Variants in CNTN4 observed in about 807,000 individuals in gnomAD.
CNTN4 encodes the protein contactin 4, also known as contactin-4.
CNTN4 carries 77 observed loss-of-function variants against 122.5 expected under a neutral mutation model. The observed-to-expected ratio is 0.63, with a 90% CI of 0.52 to 0.76. The LOEUF is 0.76. CNTN4 is among the 30% of genes least tolerant of loss of function. The pLI is 0.00. For synonymous variants in CNTN4, 512 were observed against 447.0 expected (o/e 1.15, Z -1.83); for missense variants, 1,256 against 1,259.1 (o/e 1.00, Z 0.04).
At chr3:2,388,983 C>A (rs976018451) in intron 3 of CNTN4, among the ~76,000 whole-genome samples, 7 of 151,750 alleles carry the variant, frequency 4.6e-5, no homozygotes, top group Non-Finnish European at 7.4e-5. Context: ...CATGGTGAAA[C>A]CCTGTCTCTG....
rs181510251 is a variant in CNTN4, at chr3:2,286,176, T to C, written c.-144-53002T>C. 2.0e-5 allele frequency among the ~76,000 whole-genome samples: 3 copies of C among 150,122 alleles called. No individual in the cohort carries two copies. The East Asian group carries it at 5.9e-4, about 29-fold the overall frequency. On this transcript the variant is annotated intron_variant, in intron 2 of 24. Coordinates refer to ENST00000418658, the MANE Select transcript of CNTN4 (RefSeq NM_175607.3). ...TACTGGTAGGTTGAACTTTTAAACA[T>C]TTAACTATACTGTATTTCTCGGATC...
intron 2 of CNTN4, among the ~76,000 whole-genome samples, chr3:2,210,675 T>C (rs2038575638): frequency 6.6e-6 from 1 of 152,126 alleles, no homozygotes. Flanking sequence ...GCAGCAAGAG[T>C]GAGAGTCTCA....
At chr3:2,941,392 C>CAATG (rs2094613647) in intron 13 of CNTN4, among the ~76,000 whole-genome samples, 1 of 152,082 alleles carries the variant, frequency 6.6e-6, no homozygotes, top group South Asian at 2.1e-4. Flanking sequence ...CTCCCCTGAG[C>CAATG]AATGTATGGT....
At chr3:2,817,949 A>C (rs80312614) in intron 6 of CNTN4, among the ~76,000 whole-genome samples, 3 of 152,304 alleles carry the variant, frequency 2.0e-5, no homozygotes, top group African/African-American at 2.4e-5. Context: ...CCTGGTGTCC[A>C]TTGAATAAAA....
chr3:2,869,866 T>A (rs1236579698), intron 8 of CNTN4, among the ~76,000 whole-genome samples: 2 of 152,228 alleles, frequency 1.3e-5, no homozygotes, highest in African/African-American at 4.8e-5. Context: ...ACTAGCTCTG[T>A]CAAAAGCTAT....
At chr3:3,042,516 C>T in intron 21 of CNTN4, 94 bp downstream of exon 21, 1 of 821,636 alleles carries the variant, frequency 1.2e-6, no homozygotes, top group Admixed American at 1.9e-5. Flanking sequence ...GACCCACATT[C>T]CCACTAAGAG....
chr3:2,181,636 C>T (rs1249093073), intron 2 of CNTN4, among the ~76,000 whole-genome samples: 1 of 152,016 alleles, frequency 6.6e-6, no homozygotes, highest in Non-Finnish European at 1.5e-5. Flanking sequence ...GGCTGTTTGG[C>T]TTATTAATTA....
chr3:2,439,322 T>C lies in CNTN4; in HGVS notation c.-89+100089T>C, dbSNP rs2048355440. Among the ~76,000 whole-genome samples, 7 of 152,324 alleles carry C rather than the reference T, an allele frequency of 4.6e-5. 1 individual carries two copies. In the South Asian group the frequency reaches 1.2e-3, roughly 27 times the overall value. On this transcript the variant is annotated intron_variant, in intron 3 of 24. Coordinates refer to ENST00000418658, the MANE Select transcript of CNTN4 (RefSeq NM_175607.3). ...GGCCAGGATATCTGTTTTAAGACTT[T>C]CCAATTTATTATTTTGATGCATACT... is the stretch of plus-strand genomic sequence containing the variant.
Position 2,755,431 on chromosome 3 carries a change from A to T in CNTN4, c.358+9734A>T, listed in dbSNP as rs114663347. ...TTTCAATGGAAGGCTTTGATCTTCA[A>T]TAAAAGGGTAAATACTTTTATTGGA... On this transcript the variant is annotated intron_variant, in intron 6 of 24. Transcript: ENST00000418658. 2.2e-3 allele frequency among the ~76,000 whole-genome samples: 334 copies of T among 152,348 alleles called. 1 individual carries two copies. Among genetic ancestry groups the T allele is most frequent in the Non-Finnish European group, 4.2e-3 (285 of 68,026 alleles).
intron 13 of CNTN4, among the ~76,000 whole-genome samples, chr3:2,957,849 C>T (rs2094815991): frequency 6.6e-6 from 1 of 152,104 alleles, no homozygotes; most frequent in Admixed American, 6.5e-5. Flanking sequence ...TCAGTGGGCA[C>T]TCAGGTTGAT....
chr3:2,284,895 C>CAT (rs749297131), intron 2 of CNTN4, among the ~76,000 whole-genome samples: 1 of 151,634 alleles, frequency 6.6e-6, no homozygotes, highest in East Asian at 1.9e-4. Flanking sequence ...TGATCCAAAA[C>CAT]ATATACCACA....
rs1388918338 is a variant in CNTN4 at position 2,777,367 on chromosome 3, C to T, written c.358+31670C>T. Among the ~76,000 whole-genome samples the T allele has an allele frequency of 6.6e-5, 10 of 152,336 alleles. No individual in the cohort carries two copies. The East Asian group carries it at 7.7e-4, about 12-fold the overall frequency. ...AATGAGAGTTACTCTTACCCATCTA[C>T]GGCTCTCCAACTAATACTTCTAAGA... On this transcript the variant is annotated intron_variant, in intron 6 of 24. Coordinates refer to ENST00000418658, the MANE Select transcript of CNTN4 (RefSeq NM_175607.3).
At chr3:2,960,401 T>C (rs1397201865) in intron 13 of CNTN4, among the ~76,000 whole-genome samples, 1 of 152,200 alleles carries the variant, frequency 6.6e-6, no homozygotes, top group Non-Finnish European at 1.5e-5. Flanking sequence ...TTTTTGTTTT[T>C]TGTTTTTTGT....
At chr3:2,550,512 C>G (rs892774909) in intron 3 of CNTN4, among the ~76,000 whole-genome samples, 1 of 152,078 alleles carries the variant, frequency 6.6e-6, no homozygotes, top group Non-Finnish European at 1.5e-5. Context: ...GGAGTGCAAA[C>G]TAGTTCAACC....
At chr3:2,278,433 C>G (rs1024368472) in intron 2 of CNTN4, among the ~76,000 whole-genome samples, 3 of 152,158 alleles carry the variant, frequency 2.0e-5, no homozygotes, top group Non-Finnish European at 4.4e-5. Context: ...GTGCTACTTA[C>G]TAGGATCTTA....
In CNTN4 at chr3:2,988,441, T is replaced by G. The variant is rs779844830; in HGVS notation, c.1455T>G (p.Thr485=). 10 of 1,613,848 alleles carry G rather than the reference T, an allele frequency of 6.2e-6. No individual in the cohort carries two copies. The highest frequency in any genetic ancestry group is 8.5e-6 in the Non-Finnish European group (10 of 1,179,802). Residue 485 remains threonine, a synonymous_variant, in exon 14 of 25, where the codon ACT becomes ACG. Transcript: ENST00000418658. The part of the protein sequence containing the change: ...YTCIATNHFG[T]ASSTGNLVVK... ...GTATAGCCACTAACCATTTTGGAAC[T>G]GCTAGCAGTACTGGAAACTTGGTAG...
chr3:3,010,761 T>G (rs1161549723), intron 14 of CNTN4, among the ~76,000 whole-genome samples: 2 of 152,188 alleles, frequency 1.3e-5, no homozygotes, highest in African/African-American at 4.8e-5. Flanking sequence ...TCTACAACCA[T>G]GAGCTTTTAG....
chr3:2,817,760 C>G (rs1402523097), intron 6 of CNTN4, among the ~76,000 whole-genome samples: 1 of 152,160 alleles, frequency 6.6e-6, no homozygotes, highest in African/African-American at 2.4e-5. Context: ...ATGTAGATGA[C>G]TTACTCTAAG....
intron 2 of CNTN4, among the ~76,000 whole-genome samples, chr3:2,166,109 CTTTTTGAGGAATCTTTACTG>C (rs1313479954): frequency 6.6e-6 from 1 of 151,962 alleles, no homozygotes; most frequent in Non-Finnish European, 1.5e-5. Flanking sequence ...CTATTTTTAA[CTTTTTGAGGAATCTTTACTG>C]TTTTGCATAA....
Sources: allele counts gnomAD v4.1 joint callset (sites outside exome capture counted in the v4.1 genomes callset), GRCh38; gene constraint gnomAD v4.1.1; transcripts MANE v1.5; gene names NCBI Gene and HGNC (gene_info 2026-07-23, HGNC 2026-07-21).